Variants in COMMD10 observed in about 807,000 individuals in gnomAD.
The protein encoded by COMMD10 is COMM domain-containing protein 10.
Under a neutral mutation model 28.9 loss-of-function variants are expected in COMMD10, and 33 were observed. That is an observed-to-expected ratio of 1.14 (90% CI 0.87 to 1.53). The LOEUF (loss-of-function observed/expected upper bound fraction) is 1.53. Among genes scored for constraint, COMMD10 ranks in the 40% most tolerant of loss-of-function variants. COMMD10 has a pLI of 0.00. For synonymous variants in COMMD10, 110 were observed against 81.7 expected (o/e 1.35, Z -1.87); for missense variants, 310 against 233.4 (o/e 1.33, Z -2.14).
intron 4 of COMMD10, among the ~76,000 whole-genome samples, chr5:116,101,727 C>T (rs2416425): frequency 0.74 from 112,270 of 152,170 alleles, 41,829 homozygotes; most frequent in Non-Finnish European, 0.8. Context: ...CCCGGACTTT[C>T]TTCACTTTTT....
intron 5 of COMMD10, among the ~76,000 whole-genome samples, chr5:116,250,905 T>G (rs1750094398): frequency 6.6e-6 from 1 of 151,974 alleles, no homozygotes; most frequent in African/African-American, 2.4e-5. Context: ...ATGAACCATA[T>G]GGGAAAGGGT....
chr5:116,245,292 C>T (rs1749912628), intron 5 of COMMD10, among the ~76,000 whole-genome samples: 1 of 151,928 alleles, frequency 6.6e-6, no homozygotes, highest in African/African-American at 2.4e-5. Context: ...CAAGAGTGAA[C>T]CAGGAAGAAA....
intron 5 of COMMD10, among the ~76,000 whole-genome samples, chr5:116,258,449 AT>A (rs58266995): frequency 2.7e-5 from 4 of 150,532 alleles, no homozygotes; most frequent in African/African-American, 2.5e-5. Flanking sequence ...CTCTGGATTG[AT>A]TTTTTTTTGT....
chr5:116,240,294 AAAG>A (rs1166976859), intron 5 of COMMD10, among the ~76,000 whole-genome samples: 2 of 152,142 alleles, frequency 1.3e-5, no homozygotes, highest in African/African-American at 4.8e-5. Flanking sequence ...GAGGAGGGCA[AAAG>A]AAACAGAATG....
At chr5:116,281,406 G>A (rs1225137243) in intron 5 of COMMD10, among the ~76,000 whole-genome samples, 1 of 151,694 alleles carries the variant, frequency 6.6e-6, no homozygotes, top group African/African-American at 2.4e-5. Flanking sequence ...GGAATGGGTG[G>A]TGAACAAACA....
rs183049029 is a variant in COMMD10 at position 116,269,080 on chromosome 5, A to G, written c.511-22437A>G. ...CCTGCATGTTGTGCACATGTACCCT[A>G]GAGCTTAAAGTATAATAATAATAAT... On this transcript the variant is annotated intron_variant, in intron 5 of 6. Coordinates refer to ENST00000274458, the MANE Select transcript of COMMD10 (RefSeq NM_016144.4). Among the ~76,000 whole-genome samples the G allele has an allele frequency of 8.6e-4, 130 of 151,924 alleles. 2 individuals carry two copies. The highest frequency in any genetic ancestry group is 3.9e-3 in the East Asian group (20 of 5,184).
At chr5:116,257,208 T>A (rs1561395757) in intron 5 of COMMD10, among the ~76,000 whole-genome samples, 2 of 151,322 alleles carry the variant, frequency 1.3e-5, no homozygotes, top group African/African-American at 2.4e-5. Flanking sequence ...TAAGGCCACT[T>A]ACGGAATTTT....
chr5:116,134,822 C>T (rs1009425053), intron 5 of COMMD10, among the ~76,000 whole-genome samples: 3 of 151,970 alleles, frequency 2.0e-5, no homozygotes, highest in South Asian at 2.1e-4. Context: ...GGGGTTTCAC[C>T]GTGTTAGCCA....
intron 5 of COMMD10, among the ~76,000 whole-genome samples, chr5:116,259,301 C>T (rs1003203296): frequency 1.3e-5 from 2 of 151,010 alleles, no homozygotes; most frequent in Non-Finnish European, 2.9e-5. Flanking sequence ...TTTAATTTTT[C>T]ATTTTCTTTT....
intron 5 of COMMD10, among the ~76,000 whole-genome samples, chr5:116,162,807 G>A (rs912185380): frequency 1.3e-5 from 2 of 152,204 alleles, no homozygotes; most frequent in African/African-American, 2.4e-5. Context: ...TTGGGTTATC[G>A]CACAGAACAC....
intron 5 of COMMD10, among the ~76,000 whole-genome samples, chr5:116,197,983 G>A (rs746415037): frequency 4.6e-5 from 7 of 152,130 alleles, no homozygotes; most frequent in Non-Finnish European, 1.0e-4. Flanking sequence ...AATCACTGAT[G>A]TACCCTCCCT....
intron 5 of COMMD10, among the ~76,000 whole-genome samples, chr5:116,166,117 T>C (rs1753083101): frequency 6.6e-6 from 1 of 150,698 alleles, no homozygotes; most frequent in African/African-American, 2.5e-5. Flanking sequence ...TCTATAGTTT[T>C]AGTCCTTGGC....
chr5:116,148,416 A>G (rs563618941), intron 5 of COMMD10, among the ~76,000 whole-genome samples: 7 of 151,952 alleles, frequency 4.6e-5, no homozygotes, highest in Admixed American at 4.6e-4. Context: ...TCAGACATAA[A>G]GAAGTTCTAC....
At chr5:116,237,736 A>G (rs1561680767) in intron 5 of COMMD10, among the ~76,000 whole-genome samples, 3 of 152,172 alleles carry the variant, frequency 2.0e-5, no homozygotes, top group Non-Finnish European at 2.9e-5. Flanking sequence ...TTTTATTATC[A>G]TGGTTAAATT....
intron 5 of COMMD10, among the ~76,000 whole-genome samples, chr5:116,241,505 T>C (rs1029187108): frequency 6.6e-6 from 1 of 152,120 alleles, no homozygotes; most frequent in South Asian, 2.1e-4. Context: ...TAAGAATACT[T>C]TTATTTAGAG....
chr5:116,097,000 G>T (rs1036818101), intron 4 of COMMD10, among the ~76,000 whole-genome samples: 13 of 151,746 alleles, frequency 8.6e-5, no homozygotes, highest in Non-Finnish European at 1.9e-4. Context: ...CACTTTAGTA[G>T]TCATAACAAT....
intron 5 of COMMD10, among the ~76,000 whole-genome samples, chr5:116,189,047 C>G (rs1168536135): frequency 6.6e-6 from 1 of 152,170 alleles, no homozygotes; most frequent in African/African-American, 2.4e-5. Context: ...TTATTGATGG[C>G]TCATTGTATG....
At chr5:116,218,422 AGT>A (rs1292933340) in intron 5 of COMMD10, 1 of 399,066 alleles carries the variant, frequency 2.5e-6, no homozygotes, top group East Asian at 5.5e-5. Context: ...CACTCTTAAT[AGT>A]AAATTCTTTA....
At chr5:116,128,644 T>G (rs534595407) in intron 4 of COMMD10, among the ~76,000 whole-genome samples, 7 of 152,128 alleles carry the variant, frequency 4.6e-5, no homozygotes, top group Non-Finnish European at 8.8e-5. Flanking sequence ...TATGAGATTT[T>G]TCATCTTTGT....
Sources: gnomAD v4.1 joint callset for allele counts (sites outside exome capture counted in the v4.1 genomes callset) on GRCh38, gnomAD v4.1.1 for gene constraint, MANE v1.5 for transcripts, NCBI Gene and HGNC (gene_info 2026-07-23, HGNC 2026-07-21) for gene names.